PTPRU: variants seen among roughly 807,000 people sequenced by gnomAD.
PTPRU encodes the protein receptor-type tyrosine-protein phosphatase U.
PTPRU carries 69 observed loss-of-function variants against 166.3 expected under a neutral mutation model. The observed-to-expected ratio is 0.41, with a 90% CI of 0.34 to 0.51. PTPRU has a LOEUF of 0.51. PTPRU is among the 20% of genes least tolerant of loss of function. The pLI is 0.09. For missense variants in PTPRU, 1,657 were observed against 2,013.7 expected (o/e 0.82, Z 3.39); for synonymous variants, 793 against 814.0 (o/e 0.97, Z 0.44).
rs748617345 is a variant in PTPRU, at chr1:29,258,631, G to A, written c.332G>A (p.Gly111Glu). The A allele has an allele frequency of 1.2e-6, 2 of 1,614,252 alleles. No individual in the cohort carries two copies. Among genetic ancestry groups the A allele is most frequent in the South Asian group, 1.1e-5 (1 of 91,090 alleles). ...AGCTACTTCCTGTACAGCCGGGACG[G>A]GCACAGCCCGGGCACCCTGGGCGTC... ...QFSYFLYSRD[G>E]HSPGTLGVYV... Residue 111 changes from glycine (G) to glutamate (E), a missense_variant, in exon 3 of 30, where the codon GGG (glycine) becomes GAG (glutamate). Around this residue, in one of 3 missense-constraint regions of PTPRU, gnomAD observed 453 missense variants for 496.9 expected, o/e 0.91. Coordinates refer to ENST00000373779, the MANE Select transcript of PTPRU (RefSeq NM_133178.4).
chr1:29,304,173 T>A (rs1345586745), intron 16 of PTPRU, 128 bp downstream of exon 16: 1 of 1,147,650 alleles, frequency 8.7e-7, no homozygotes, highest in Non-Finnish European at 1.2e-6. Context: ...AGTTTCCAAC[T>A]CAACCTTTTT....
rs997544665 is a variant in PTPRU, at chr1:29,236,537, C to G, written c.-108C>G. 2.3e-6 allele frequency: 2 copies of G among 864,354 alleles called. No homozygotes were observed. The highest frequency in any genetic ancestry group is 1.8e-5 in the African/African-American group (1 of 55,022). 53.5% of individuals were successfully genotyped at this position (864,354 alleles called of 1,614,324 possible). A position where few individuals can be genotyped will look rare whatever the true frequency, so the allele number is the denominator to read the frequency against. On this transcript the variant is annotated 5_prime_UTR_variant, in exon 1 of 30. Transcript: ENST00000373779. The surrounding 1 kb of genome is among the most constrained non-coding windows in gnomAD (Gnocchi z 4.6). ...ACTCGGCGCCAGTCCCGCTCCGCGC[C>G]GCGCCGCTCCGCTCCGGCTCGGGCT...
rs191796834 is a variant in PTPRU at position 29,252,941 on chromosome 1, C to T, written c.74-2334C>T. On this transcript the variant is annotated intron_variant, in intron 1 of 29. Coordinates refer to ENST00000373779, the MANE Select transcript of PTPRU (RefSeq NM_133178.4). ...AGATCCCATGGGTTGAGGGCTCAGT[C>T]CCCATGACTGCCTCCTCCTCCAGAC... is the stretch of plus-strand genomic sequence containing the variant. 4.1e-4 allele frequency among the ~76,000 whole-genome samples: 62 copies of T among 152,296 alleles called. No homozygotes were observed. In the Middle Eastern group the frequency reaches 0.01, roughly 25 times the overall value.
rs749768504 is a variant in PTPRU, at chr1:29,320,808, C to A, written c.3811C>A (p.Gln1271Lys). 5 of 1,588,286 alleles carry A rather than the reference C, an allele frequency of 3.1e-6. No individual in the cohort carries two copies. The highest frequency in any genetic ancestry group is 4.3e-6 in the Non-Finnish European group (5 of 1,160,838). ...TSIVMLNQLN[Q>K]SNSAWPCLQY... ...CATCGTCATGCTCAACCAGCTGAAC[C>A]AGTCCAACTCCGCCTGGGTGAGGCC... Residue 1271 changes from glutamine (Q) to lysine (K), a missense_variant, in exon 26 of 30, where the codon CAG becomes AAG. By Grantham distance (53) the Gln-to-Lys change is moderately conservative. Transcript: ENST00000373779. The surrounding 1 kb of genome is among the most constrained non-coding windows in gnomAD (Gnocchi z 5.2).
chr1:29,285,302 A>G (rs1686289485), intron 14 of PTPRU, among the ~76,000 whole-genome samples: 1 of 152,088 alleles, frequency 6.6e-6, no homozygotes, highest in African/African-American at 2.4e-5. Flanking sequence ...CTCCTCTTTA[A>G]ACCAAGGGCC....
intron 18 of PTPRU, among the ~76,000 whole-genome samples, chr1:29,308,968 G>A (rs1687527748): frequency 1.3e-5 from 2 of 152,230 alleles, no homozygotes; most frequent in African/African-American, 4.8e-5. Context: ...GGTCGAGGCT[G>A]CAGTGGAGAC....
chr1:29,259,515 A>C lies in PTPRU; in HGVS notation c.626A>C (p.Gln209Pro). Residue 209 changes from glutamine (Q) to proline (P), a missense_variant, in exon 5 of 30, where the codon CAG becomes CCG. Physicochemically the swap from Gln to Pro is moderately conservative, Grantham distance 76 (BLOSUM62 -1). This residue lies in a region of PTPRU where 453 missense variants were observed against 496.9 expected (regional missense o/e 0.91). Transcript: ENST00000373779. ...AACGCGGGCCAGAACGCGTCGTTCC[A>C]GTGCATGGCCGCGGGCAGAGCGGCC... ...EVNAGQNASFQCMAAGRAAEA... is the reference protein window; with the variant it reads ...EVNAGQNASFPCMAAGRAAEA... 1.3e-6 allele frequency: 2 copies of C among 1,525,148 alleles called. No homozygotes were observed. The highest frequency in any genetic ancestry group is 1.8e-6 in the Non-Finnish European group (2 of 1,125,632). 94.5% of individuals were successfully genotyped at this position (1,525,148 alleles called of 1,614,324 possible). A position where few individuals can be genotyped will look rare whatever the true frequency, so the allele number is the denominator to read the frequency against.
Position 29,255,424 on chromosome 1 carries a change from C to T in PTPRU, c.205+18C>T, listed in dbSNP as rs765433793. ...GCCCCACGGTAAGTCTACTCTCCAT[C>T]GCCATTACCCCTTCTTCTCCTTCCA... is the stretch of plus-strand genomic sequence containing the variant. On this transcript the variant is annotated intron_variant, in intron 2 of 29. Coordinates refer to ENST00000373779, the MANE Select transcript of PTPRU (RefSeq NM_133178.4). 1.7e-5 allele frequency: 27 copies of T among 1,612,586 alleles called. No individual in the cohort carries two copies. Among genetic ancestry groups the T allele is most frequent in the African/African-American group, 4.0e-5 (3 of 74,916 alleles).
Position 29,311,803 on chromosome 1 carries a change from A to C in PTPRU, c.3072+44A>C, listed in dbSNP as rs1292756284. 1 of 1,568,170 alleles carries C rather than the reference A, an allele frequency of 6.4e-7. No homozygotes were observed. On this transcript the variant is annotated intron_variant, in intron 21 of 29. Coordinates refer to ENST00000373779, the MANE Select transcript of PTPRU (RefSeq NM_133178.4). The surrounding 1 kb of genome is among the most constrained non-coding windows in gnomAD (Gnocchi z 4.1). ...TGTTCCCTGCAGAGGGTGCCTGAGC[A>C]GGGATTAGAGCCCACTCCCACTTCC...
chr1:29,280,193 C>T lies in PTPRU; in HGVS notation c.1868+52C>T, dbSNP rs1346863080. 16 of 1,514,644 alleles carry T rather than the reference C, an allele frequency of 1.1e-5. No individual in the cohort carries two copies. Among genetic ancestry groups the T allele is most frequent in the African/African-American group, 1.4e-5 (1 of 72,624 alleles). The allele number at this position is 1,514,644 out of a possible 1,614,324, so 93.8% of individuals were successfully genotyped here. A position where few individuals can be genotyped will look rare whatever the true frequency, so the allele number is the denominator to read the frequency against. On this transcript the variant is annotated intron_variant, in intron 11 of 29. Coordinates refer to ENST00000373779, the MANE Select transcript of PTPRU (RefSeq NM_133178.4). The surrounding 1 kb of genome is among the most constrained non-coding windows in gnomAD (Gnocchi z 4.2). ...GAGTCCAGGGCCTTAGGAAAGAGGCCCCTCCTCTGACCCAGAGCCCCATCC... is the reference window on the plus strand; with the variant it reads ...GAGTCCAGGGCCTTAGGAAAGAGGCTCCTCCTCTGACCCAGAGCCCCATCC...
At chr1:29,276,853 AG>A (rs1346234766) in intron 8 of PTPRU, among the ~76,000 whole-genome samples, 2 of 152,034 alleles carry the variant, frequency 1.3e-5, no homozygotes, top group African/African-American at 2.4e-5. Context: ...TTGCCTTTTG[AG>A]ATAGAAGTTT....
At chr1:29,247,198 C>G (rs1684337356) in intron 1 of PTPRU, among the ~76,000 whole-genome samples, 1 of 152,232 alleles carries the variant, frequency 6.6e-6, no homozygotes, top group African/African-American at 2.4e-5. Context: ...GGCATTCCTC[C>G]ATACACCTAT....
intron 17 of PTPRU, 30 bp from the exon 18 acceptor site, chr1:29,305,322 A>G (rs775399574): frequency 6.2e-7 from 1 of 1,610,792 alleles, no homozygotes; most frequent in Non-Finnish European, 8.5e-7. Flanking sequence ...TCCCCAGTTC[A>G]GCCCCTGCCC....
chr1:29,280,722 T>C lies in PTPRU; in HGVS notation c.1868+581T>C, dbSNP rs998254947. Among the ~76,000 whole-genome samples, 27 of 151,060 alleles carry C rather than the reference T, an allele frequency of 1.8e-4. No homozygotes were observed. Among genetic ancestry groups the C allele is most frequent in the African/African-American group, 6.3e-4 (26 of 41,108 alleles). ...TGGGTGTGTCTTTGTGATAAAGACATGGGATGTGTGGTGTGAGTGTGTGTG... is the reference window on the plus strand; with the variant it reads ...TGGGTGTGTCTTTGTGATAAAGACACGGGATGTGTGGTGTGAGTGTGTGTG... On this transcript the variant is annotated intron_variant, in intron 11 of 29. Coordinates refer to ENST00000373779, the MANE Select transcript of PTPRU (RefSeq NM_133178.4). The surrounding 1 kb of genome is among the most constrained non-coding windows in gnomAD (Gnocchi z 4.2).
rs747598597 is a variant in PTPRU at position 29,282,978 on chromosome 1, C to T, written c.2142+29C>T. 1.1e-5 allele frequency: 18 copies of T among 1,591,022 alleles called. No individual in the cohort carries two copies. In the Admixed American group the frequency reaches 2.4e-4, roughly 21 times the overall value. On this transcript the variant is annotated intron_variant, in intron 12 of 29. Coordinates refer to ENST00000373779, the MANE Select transcript of PTPRU (RefSeq NM_133178.4). The stretch of plus-strand genomic sequence containing the variant: ...AGGGACCGGCCAGGGTCATGGTGGG[C>T]GTGGTTGGGTGTGGGGGGATGGCAG...
intron 15 of PTPRU, 113 bp from the exon 16 acceptor site, chr1:29,303,742 A>G (rs1436355747): frequency 2.6e-6 from 3 of 1,168,794 alleles, no homozygotes; most frequent in Non-Finnish European, 3.6e-6. Context: ...CCAACAACCC[A>G]GCTATGCTTG....
intron 8 of PTPRU, 54 bp downstream of exon 8, chr1:29,275,810 C>T: frequency 6.4e-7 from 1 of 1,560,974 alleles, no homozygotes; most frequent in Non-Finnish European, 8.8e-7. Context: ...ACAGATACGC[C>T]ATGTCTGAGA....
chr1:29,259,851 C>T lies in PTPRU; in HGVS notation c.676-19C>T. The T allele has an allele frequency of 2.0e-6, 3 of 1,525,122 alleles. No homozygotes were observed. Among genetic ancestry groups the T allele is most frequent in the Non-Finnish European group, 2.6e-6 (3 of 1,142,484 alleles). The allele number at this position is 1,525,122 out of a possible 1,614,324, so 94.5% of individuals were successfully genotyped here. On this transcript the variant is annotated intron_variant, in intron 5 of 29. Coordinates refer to ENST00000373779, the MANE Select transcript of PTPRU (RefSeq NM_133178.4). ...CTCGCTCCGAGGCGCCCCTGACCCC[C>T]TCACTCTCTTCCCTGCAGCGGCAGA...
chr1:29,279,148 G>C lies in PTPRU; in HGVS notation c.1563+27G>C. ...TGGGTTTGGGACCCTATTACAGTGG[G>C]GGACCCTGGTGGAAGGTGAGAGGTG... On this transcript the variant is annotated intron_variant, in intron 9 of 29. Transcript: ENST00000373779. The surrounding 1 kb of genome is among the most constrained non-coding windows in gnomAD (Gnocchi z 5.2). The C allele has an allele frequency of 6.6e-7, 1 of 1,522,494 alleles. No individual in the cohort carries two copies. The allele number at this position is 1,522,494 out of a possible 1,614,324, so 94.3% of individuals were successfully genotyped here.
Sources: gnomAD v4.1 joint callset for allele counts (sites outside exome capture counted in the v4.1 genomes callset) on GRCh38, gnomAD v4.1.1 for gene constraint, gnomAD v4.1.1 regional missense constraint, Gnocchi (gnomAD v3.1) non-coding constraint, MANE v1.5 for transcripts, NCBI Gene and HGNC (gene_info 2026-07-23, HGNC 2026-07-21) for gene names.